The following MYO16 variants were observed in gnomAD, a reference collection of about 807,000 sequenced individuals.
MYO16 encodes the protein unconventional myosin-XVI.
Under a neutral mutation model 205.3 loss-of-function variants are expected in MYO16, and 94 were observed. That is an observed-to-expected ratio of 0.46 (90% CI 0.39 to 0.54). The LOEUF (loss-of-function observed/expected upper bound fraction) is 0.54. Ranked by LOEUF, MYO16 falls within the 20% of genes least tolerant of loss-of-function variation. The pLI is 0.00. For synonymous variants in MYO16, 988 were observed against 954.0 expected (o/e 1.04, Z -0.66); for missense variants, 2,315 against 2,387.5 (o/e 0.97, Z 0.63).
Position 108,844,330 on chromosome 13 carries a change from T to A in MYO16, c.1098-13T>A. 6.2e-7 allele frequency: 1 copy of A among 1,601,382 alleles called. No homozygotes were observed. Among genetic ancestry groups the A allele is most frequent in the Non-Finnish European group, 8.5e-7 (1 of 1,171,806 alleles). ...AAAGAGACTAATTGTAGTATTGATTTTTTTTCCTGTAGCAGTCCCCTGGTG... is the reference window on the plus strand; with the variant it reads ...AAAGAGACTAATTGTAGTATTGATTATTTTTCCTGTAGCAGTCCCCTGGTG... On this transcript the variant is annotated splice_polypyrimidine_tract_variant and intron_variant, in intron 9 of 34. Transcript: ENST00000457511.
chr13:108,706,313 G>A (rs1926524), intron 2 of MYO16, among the ~76,000 whole-genome samples: 149,428 of 152,280 alleles, frequency 0.98, 73,364 homozygotes, highest in East Asian at 1. Flanking sequence ...AAAATATCCA[G>A]GGTAATATAT....
At chr13:108,868,220 A>T (rs7986787) in intron 12 of MYO16, among the ~76,000 whole-genome samples, 3,181 of 152,258 alleles carry the variant, frequency 0.021, 110 homozygotes, top group African/African-American at 0.072. Flanking sequence ...ATAAATATCG[A>T]CAATTTTCTG....
At chr13:108,987,583 C>G (rs1594449241) in intron 20 of MYO16, among the ~76,000 whole-genome samples, 2 of 152,224 alleles carry the variant, frequency 1.3e-5, no homozygotes, top group Admixed American at 1.3e-4. Context: ...CTTTCTGGCA[C>G]TAGCCTCTAT....
At chr13:108,757,137 G>A (rs1033593884) in intron 4 of MYO16, among the ~76,000 whole-genome samples, 5 of 152,168 alleles carry the variant, frequency 3.3e-5, no homozygotes, top group African/African-American at 1.2e-4. Flanking sequence ...AACCTAGAGT[G>A]CAAAAGGCAA....
intron 16 of MYO16, among the ~76,000 whole-genome samples, chr13:108,945,909 G>A (rs1022275767): frequency 1.3e-5 from 2 of 152,138 alleles, no homozygotes; most frequent in Non-Finnish European, 2.9e-5. Context: ...AGGTGCTGAT[G>A]TTTCTAATTA....
chr13:108,753,305 G>T (rs531363337), intron 4 of MYO16, among the ~76,000 whole-genome samples: 1 of 149,596 alleles, frequency 6.7e-6, no homozygotes, highest in South Asian at 2.1e-4. Flanking sequence ...GGAAGGTGGA[G>T]GTTGCAGTGA....
intron 4 of MYO16, among the ~76,000 whole-genome samples, chr13:108,754,212 G>T (rs1369787137): frequency 6.9e-6 from 1 of 144,262 alleles, no homozygotes; most frequent in South Asian, 2.1e-4. Context: ...TAGCATGCAA[G>T]ACAAGCTGTA....
the MYO16 span, among the ~76,000 whole-genome samples, chr13:108,528,562 CT>C: frequency 1.4e-5 from 2 of 138,594 alleles, no homozygotes; most frequent in Admixed American, 7.2e-5. Context: ...CTCTCCTCTC[CT>C]CTCCTCTCCC....
At chr13:108,981,851 G>A (rs1021061653) in intron 20 of MYO16, among the ~76,000 whole-genome samples, 5 of 152,166 alleles carry the variant, frequency 3.3e-5, no homozygotes, top group Admixed American at 6.5e-5. Context: ...TTTTTTGTAT[G>A]TACATTTGAA....
intron 6 of MYO16, among the ~76,000 whole-genome samples, chr13:108,796,556 G>T (rs983658152): frequency 6.6e-5 from 10 of 152,120 alleles, no homozygotes; most frequent in African/African-American, 2.2e-4. Context: ...AGAAAATGTG[G>T]CACATGTACA....
chr13:108,582,233 G>A, the MYO16 span, among the ~76,000 whole-genome samples: 1 of 152,156 alleles, frequency 6.6e-6, no homozygotes. Context: ...CAGAGGTAAT[G>A]AGAGTTCTGT....
intron 28 of MYO16, among the ~76,000 whole-genome samples, chr13:109,114,348 T>G (rs1246293324): frequency 6.6e-6 from 1 of 152,204 alleles, no homozygotes; most frequent in African/African-American, 2.4e-5. Flanking sequence ...TTAATATGCA[T>G]TTTTCAGTTT....
chr13:108,497,985 A>C, the MYO16 span, among the ~76,000 whole-genome samples: 2 of 152,232 alleles, frequency 1.3e-5, no homozygotes, highest in African/African-American at 4.8e-5. Flanking sequence ...CATACATAGA[A>C]TCATATATGA....
intron 2 of MYO16, 141 bp from the exon 3 acceptor site, chr13:108,712,520 T>C (rs1883759007): frequency 4.2e-6 from 3 of 714,106 alleles, no homozygotes; most frequent in Non-Finnish European, 7.6e-6. Context: ...TCATAATAAA[T>C]AGGGTCAGAT....
chr13:108,910,635 A>G (rs1293783517), intron 16 of MYO16, among the ~76,000 whole-genome samples: 1 of 152,196 alleles, frequency 6.6e-6, no homozygotes, highest in Non-Finnish European at 1.5e-5. Flanking sequence ...TCATAGGAGA[A>G]TGATGGGAGT....
chr13:108,846,552 T>C (rs1255763157), intron 10 of MYO16, among the ~76,000 whole-genome samples: 1 of 151,890 alleles, frequency 6.6e-6, no homozygotes, highest in Non-Finnish European at 1.5e-5. Flanking sequence ...TTTTAATAAT[T>C]TGTTTATTGA....
intron 2 of MYO16, among the ~76,000 whole-genome samples, chr13:108,677,358 T>TGC (rs1882273089): frequency 3.9e-5 from 5 of 127,278 alleles, no homozygotes; most frequent in Admixed American, 3.1e-4. Context: ...TATATATGCA[T>TGC]ATATATATAT....
intron 32 of MYO16, among the ~76,000 whole-genome samples, chr13:109,160,449 T>TA (rs1017084070): frequency 1.3e-5 from 2 of 152,190 alleles, no homozygotes; most frequent in African/African-American, 4.8e-5. Context: ...CTCGTACCTG[T>TA]AAAAATAGCA....
chr13:108,765,226 A>G (rs1316750004), intron 4 of MYO16, among the ~76,000 whole-genome samples: 3 of 152,198 alleles, frequency 2.0e-5, no homozygotes, highest in Non-Finnish European at 4.4e-5. Flanking sequence ...CATGATTTTT[A>G]ATGGTATGCA....
Sources: allele counts gnomAD v4.1 joint callset (sites outside exome capture counted in the v4.1 genomes callset), GRCh38; gene constraint gnomAD v4.1.1; transcripts MANE v1.5; gene names NCBI Gene and HGNC (gene_info 2026-07-23, HGNC 2026-07-21).